SLC24A2: variants seen among roughly 807,000 people sequenced by gnomAD.
The protein encoded by SLC24A2 is solute carrier family 24 member 2.
SLC24A2 carries 36 observed loss-of-function variants against 62.0 expected under a neutral mutation model. The ratio of observed to expected loss-of-function variants is 0.58; its 90% confidence interval spans 0.44 to 0.77. The LOEUF is 0.77. SLC24A2 is among the 30% of genes least tolerant of loss of function. SLC24A2 has a pLI of 0.00. For synonymous variants in SLC24A2, 358 were observed against 294.0 expected, an observed-to-expected ratio of 1.22 and a Z score of -2.23; for missense variants, 846 against 817.9, an observed-to-expected ratio of 1.03 and a Z score of -0.42.
chr9:19,848,477 A>T, the SLC24A2 span, among the ~76,000 whole-genome samples: 1 of 152,206 alleles, frequency 6.6e-6, no homozygotes, highest in South Asian at 2.1e-4. Context: ...CACATATAGC[A>T]GTGTACGTAA....
the SLC24A2 span, among the ~76,000 whole-genome samples, chr9:19,914,299 AT>A: frequency 6.6e-6 from 1 of 152,036 alleles, no homozygotes; most frequent in Non-Finnish European, 1.5e-5. Context: ...TCTTCCTAGG[AT>A]CCATACTGGA....
the SLC24A2 span, among the ~76,000 whole-genome samples, chr9:20,261,392 G>T: frequency 6.6e-6 from 1 of 152,218 alleles, no homozygotes; most frequent in Non-Finnish European, 1.5e-5. Context: ...CATGGTAGAA[G>T]TGCAAAAGGG....
the SLC24A2 span, among the ~76,000 whole-genome samples, chr9:20,188,766 G>A: frequency 1.3e-5 from 2 of 152,108 alleles, no homozygotes; most frequent in Non-Finnish European, 2.9e-5. Context: ...AAAAAGCAAG[G>A]AAACAGATGC....
chr9:19,643,646 T>G (rs991231699), intron 2 of SLC24A2, among the ~76,000 whole-genome samples: 1 of 152,240 alleles, frequency 6.6e-6, no homozygotes, highest in African/African-American at 2.4e-5. Context: ...AGACTTGTCA[T>G]GTCTGAGCTT....
the SLC24A2 span, among the ~76,000 whole-genome samples, chr9:20,162,776 T>C: frequency 6.6e-6 from 1 of 152,114 alleles, no homozygotes; most frequent in Non-Finnish European, 1.5e-5. Context: ...AAAAAGCTTA[T>C]ACATCATGAT....
At chr9:19,602,688 C>A (rs1836873047) in intron 4 of SLC24A2, among the ~76,000 whole-genome samples, 1 of 151,980 alleles carries the variant, frequency 6.6e-6, no homozygotes, top group South Asian at 2.1e-4. Context: ...TTCTGGGGTC[C>A]AACAATCCTG....
chr9:19,906,352 C>A, the SLC24A2 span, among the ~76,000 whole-genome samples: 3 of 151,422 alleles, frequency 2.0e-5, no homozygotes, highest in East Asian at 3.9e-4. Context: ...ATTTATAGCA[C>A]TAAATGCCCA....
chr9:19,775,979 G>C (rs1822833604), intron 2 of SLC24A2, among the ~76,000 whole-genome samples: 1 of 152,218 alleles, frequency 6.6e-6, no homozygotes, highest in Non-Finnish European at 1.5e-5. Flanking sequence ...ATTTTAGAAA[G>C]TTGACACCAG....
At chr9:20,298,852 C>A in the SLC24A2 span, among the ~76,000 whole-genome samples, 31 of 152,308 alleles carry the variant, frequency 2.0e-4, no homozygotes, top group African/African-American at 7.5e-4. Context: ...TCTTCATTTC[C>A]TTTGCCCTTC....
chr9:19,962,917 G>A, the SLC24A2 span, among the ~76,000 whole-genome samples: 2 of 152,154 alleles, frequency 1.3e-5, no homozygotes, highest in African/African-American at 4.8e-5. Flanking sequence ...TGGTGATAGA[G>A]GGCATCCCTG....
At chr9:19,576,364 G>T (rs11790824) in intron 6 of SLC24A2, among the ~76,000 whole-genome samples, 11 of 152,208 alleles carry the variant, frequency 7.2e-5, no homozygotes, top group African/African-American at 2.6e-4. Flanking sequence ...CAGGAGCTCT[G>T]CAAAAGTCAG....
chr9:20,287,037 G>A, the SLC24A2 span, among the ~76,000 whole-genome samples: 7 of 152,314 alleles, frequency 4.6e-5, no homozygotes, highest in African/African-American at 1.7e-4. Flanking sequence ...AGTGAGTCTA[G>A]AGTAGAGGCC....
intron 4 of SLC24A2, among the ~76,000 whole-genome samples, chr9:19,602,419 G>C (rs1007224854): frequency 6.6e-6 from 1 of 152,096 alleles, no homozygotes; most frequent in Non-Finnish European, 1.5e-5. Flanking sequence ...AGAAGAAGCA[G>C]GTAAAATGAG....
the SLC24A2 span, among the ~76,000 whole-genome samples, chr9:20,110,040 A>C: frequency 1.3e-5 from 2 of 152,118 alleles, no homozygotes; most frequent in Non-Finnish European, 2.9e-5. Context: ...TATCATATTA[A>C]AGCTTTCTAT....
At chr9:19,794,917 C>T in the SLC24A2 span, among the ~76,000 whole-genome samples, 1 of 152,098 alleles carries the variant, frequency 6.6e-6, no homozygotes, top group African/African-American at 2.4e-5. Flanking sequence ...TGCCTTCTTT[C>T]CTAAGCTAGA....
At chr9:19,831,057 C>A in the SLC24A2 span, among the ~76,000 whole-genome samples, 8 of 152,144 alleles carry the variant, frequency 5.3e-5, no homozygotes, top group Non-Finnish European at 1.0e-4. Context: ...CAAAAGAATG[C>A]CTCCTTTAAC....
the SLC24A2 span, among the ~76,000 whole-genome samples, chr9:19,820,210 C>T: frequency 6.7e-6 from 1 of 149,400 alleles, no homozygotes; most frequent in African/African-American, 2.5e-5. Context: ...CATATGTTCT[C>T]ACTGATATGT....
intron 7 of SLC24A2, among the ~76,000 whole-genome samples, chr9:19,557,657 T>C (rs1835162057): frequency 6.6e-6 from 1 of 152,232 alleles, no homozygotes; most frequent in Non-Finnish European, 1.5e-5. Context: ...CTAGCTGCTC[T>C]TTCACTGAAT....
the SLC24A2 span, among the ~76,000 whole-genome samples, chr9:20,233,268 T>A: frequency 1.3e-5 from 2 of 152,172 alleles, no homozygotes; most frequent in African/African-American, 4.8e-5. Context: ...TGAGTTCAAT[T>A]CCTGGGTATC....
Sources: allele counts gnomAD v4.1 joint callset (sites outside exome capture counted in the v4.1 genomes callset), GRCh38; gene constraint gnomAD v4.1.1; transcripts MANE v1.5; gene names NCBI Gene and HGNC (gene_info 2026-07-23, HGNC 2026-07-21).